ADAMTSL3: variants seen among roughly 807,000 people sequenced by gnomAD.
The protein encoded by ADAMTSL3 is ADAMTS-like protein 3.
ADAMTSL3 carries 128 observed loss-of-function variants against 201.7 expected under a neutral mutation model. The observed-to-expected ratio is 0.63, with a 90% confidence interval of 0.55 to 0.73. ADAMTSL3 has a LOEUF of 0.73. Ranked by LOEUF, ADAMTSL3 falls within the 30% of genes least tolerant of loss-of-function variation. The probability of loss-of-function intolerance (pLI) is 0.00; values close to 1 mark genes in which losing one functional copy is unlikely to be tolerated. For synonymous variants in ADAMTSL3, 738 were observed against 748.4 expected (o/e 0.99, Z 0.23); for missense variants, 1,990 against 2,119.6 (o/e 0.94, Z 1.20).
At chr15:83,912,561 G>T (rs2065952899) in intron 15 of ADAMTSL3, among the ~76,000 whole-genome samples, 1 of 152,118 alleles carries the variant, frequency 6.6e-6, no homozygotes, top group Non-Finnish European at 1.5e-5. Context: ...AGATCCAGAA[G>T]CTTCGTGCAC....
intron 20 of ADAMTSL3, among the ~76,000 whole-genome samples, chr15:83,980,724 G>T (rs1414454186): frequency 1.3e-5 from 2 of 152,128 alleles, no homozygotes; most frequent in Non-Finnish European, 2.9e-5. Flanking sequence ...AATTATGTAT[G>T]TCCTTCACTG....
In ADAMTSL3 at chr15:83,942,794, G is replaced by A. The variant is rs1358908842; in HGVS notation, c.2310+6G>A. ...ACATTGAAGAATGGCAGCAGGTAGG[G>A]CAGACTGGCCACTCCAGGGCCCTCT... On this transcript the variant is annotated splice_donor_region_variant and intron_variant, in intron 18 of 29. Coordinates refer to ENST00000286744, the MANE Select transcript of ADAMTSL3 (RefSeq NM_207517.3). 3.7e-6 allele frequency: 6 copies of A among 1,611,852 alleles called. No individual in the cohort carries two copies. The African/African-American group carries it at 4.0e-5, about 11-fold the overall frequency.
chr15:83,674,435 G>T (rs991376903), intron 2 of ADAMTSL3, among the ~76,000 whole-genome samples: 6 of 151,584 alleles, frequency 4.0e-5, no homozygotes, highest in African/African-American at 1.2e-4. Flanking sequence ...GTATTTGTTT[G>T]GGTCTATTTT....
At chr15:83,860,713 G>A (rs963855271) in intron 8 of ADAMTSL3, among the ~76,000 whole-genome samples, 16 of 152,300 alleles carry the variant, frequency 1.1e-4, no homozygotes, top group Middle Eastern at 3.4e-3. Context: ...AATAGGAATA[G>A]CTCCAGTCTA....
chr15:83,693,517 G>A (rs2141464142), intron 2 of ADAMTSL3, among the ~76,000 whole-genome samples: 1 of 152,258 alleles, frequency 6.6e-6, no homozygotes, highest in South Asian at 2.1e-4. Flanking sequence ...TTCCTAGAGA[G>A]TATAGACCCT....
chr15:83,898,537 C>G (rs925004705), intron 14 of ADAMTSL3, among the ~76,000 whole-genome samples: 1 of 152,122 alleles, frequency 6.6e-6, no homozygotes, highest in African/African-American at 2.4e-5. Context: ...TGAAAACTTC[C>G]CGTTCCCAGT....
At chr15:83,705,340 G>T (rs1265424161) in intron 3 of ADAMTSL3, among the ~76,000 whole-genome samples, 1 of 152,110 alleles carries the variant, frequency 6.6e-6, no homozygotes, top group Non-Finnish European at 1.5e-5. Context: ...CCCATGGTAC[G>T]TGATAGAGTG....
intron 3 of ADAMTSL3, among the ~76,000 whole-genome samples, chr15:83,744,910 G>T (rs2062519643): frequency 6.6e-6 from 1 of 152,190 alleles, no homozygotes; most frequent in Non-Finnish European, 1.5e-5. Flanking sequence ...GAAACTCTGG[G>T]CATAAGAGGG....
chr15:83,870,144 G>T (rs1354697212), intron 8 of ADAMTSL3, among the ~76,000 whole-genome samples: 1 of 152,124 alleles, frequency 6.6e-6, no homozygotes, highest in Non-Finnish European at 1.5e-5. Flanking sequence ...ACATAAAGGG[G>T]TTTCATGCAC....
At chr15:83,716,304 A>G (rs891303825) in intron 3 of ADAMTSL3, among the ~76,000 whole-genome samples, 3 of 152,002 alleles carry the variant, frequency 2.0e-5, no homozygotes, top group Non-Finnish European at 2.9e-5. Flanking sequence ...GGAGTTTGAG[A>G]CCAGCCTGGC....
In ADAMTSL3 at chr15:83,775,362, C is replaced by T. The variant is rs537332001; in HGVS notation, c.317+1712C>T. On this transcript the variant is annotated intron_variant, in intron 4 of 29. Transcript: ENST00000286744. ...ATTGGTCTTTTTTTTTTTTCTAGTACGTACTTGCGTTTGTTAAAGAGAATT... is the reference window on the plus strand; with the variant it reads ...ATTGGTCTTTTTTTTTTTTCTAGTATGTACTTGCGTTTGTTAAAGAGAATT... Among the ~76,000 whole-genome samples the T allele has an allele frequency of 4.6e-5, 7 of 150,808 alleles. No homozygotes were observed. In the South Asian group the frequency reaches 1.0e-3, roughly 22 times the overall value.
intron 7 of ADAMTSL3, among the ~76,000 whole-genome samples, chr15:83,848,041 G>GGT (rs200958013): frequency 3.3e-5 from 5 of 151,188 alleles, no homozygotes; most frequent in Admixed American, 6.6e-5. Context: ...CCTTGGGAAT[G>GGT]GTGTGTGTGT....
rs757307823 is a variant in ADAMTSL3, at chr15:83,942,653, C to G, written c.2175C>G (p.Thr725=). The G allele has an allele frequency of 6.2e-7, 1 of 1,613,998 alleles. No homozygotes were observed. Among genetic ancestry groups the G allele is most frequent in the Non-Finnish European group, 8.5e-7 (1 of 1,179,968 alleles). Reference sequence around the variant, plus strand: ...CTACCTGTGGAGTTGGAATTCAGACCCGAGATGTGTACTGCCTGCACCCAG... The same window carrying G: ...CTACCTGTGGAGTTGGAATTCAGACGCGAGATGTGTACTGCCTGCACCCAG... ...CSATCGVGIQ[T]RDVYCLHPGE... is the part of the protein sequence containing the mutation. The change falls in exon 18 of 30, where the codon ACC becomes ACG. Residue 725 remains threonine, a synonymous_variant. Transcript: ENST00000286744.
intron 4 of ADAMTSL3, among the ~76,000 whole-genome samples, chr15:83,781,036 A>G (rs1050147902): frequency 2.0e-5 from 3 of 152,226 alleles, no homozygotes; most frequent in African/African-American, 7.2e-5. Context: ...TACTGCCCAA[A>G]GCAATTTATA....
Position 83,939,919 on chromosome 15 carries a change from G to A in ADAMTSL3, c.2118-2677G>A, listed in dbSNP as rs149587952. ...TTACAGGCATGAGCCACCGCACCCCGCCAGGACCAACTTTTTGTTTCATTT... is the reference window on the plus strand; with the variant it reads ...TTACAGGCATGAGCCACCGCACCCCACCAGGACCAACTTTTTGTTTCATTT... On this transcript the variant is annotated intron_variant, in intron 17 of 29. Transcript: ENST00000286744. Among the ~76,000 whole-genome samples, 211 of 152,062 alleles carry A rather than the reference G, an allele frequency of 1.4e-3. 2 individuals carry two copies. Among genetic ancestry groups the A allele is most frequent in the Non-Finnish European group, 1.9e-3 (131 of 67,976 alleles).
rs1345457491 is a variant in ADAMTSL3 at position 84,037,814 on chromosome 15, G to A, written c.*8G>A. 1.9e-6 allele frequency: 3 copies of A among 1,609,634 alleles called. No homozygotes were observed. Among genetic ancestry groups the A allele is most frequent in the Admixed American group, 3.4e-5 (2 of 58,622 alleles). On this transcript the variant is annotated 3_prime_UTR_variant, in exon 30 of 30. Transcript: ENST00000286744. ...TCATGTCAAGAGGGATAAACCTTTGGAGGGGTCATGATGCTGCTGTGAAGA... is the reference window on the plus strand; with the variant it reads ...TCATGTCAAGAGGGATAAACCTTTGAAGGGGTCATGATGCTGCTGTGAAGA...
intron 3 of ADAMTSL3, among the ~76,000 whole-genome samples, chr15:83,710,181 G>T (rs190321083): frequency 1.8e-4 from 27 of 152,292 alleles, no homozygotes; most frequent in Admixed American, 1.7e-3. Context: ...TCATGTTGGA[G>T]AGGTCCTTTT....
intron 8 of ADAMTSL3, among the ~76,000 whole-genome samples, chr15:83,863,610 A>G (rs1231412789): frequency 5.9e-5 from 9 of 152,196 alleles, no homozygotes; most frequent in Non-Finnish European, 5.9e-5. Flanking sequence ...GACACATTCA[A>G]AGCAGTATGT....
chr15:83,940,207 T>A (rs530147419), intron 17 of ADAMTSL3, among the ~76,000 whole-genome samples: 40 of 152,360 alleles, frequency 2.6e-4, no homozygotes, highest in African/African-American at 9.4e-4. Context: ...CTTTGGCCCA[T>A]GCGCAATTTA....
Sources: allele counts gnomAD v4.1 joint callset (sites outside exome capture counted in the v4.1 genomes callset), GRCh38; gene constraint gnomAD v4.1.1; transcripts MANE v1.5; gene names NCBI Gene and HGNC (gene_info 2026-07-23, HGNC 2026-07-21).